The following WNK1 variants were observed in gnomAD, a reference collection of about 807,000 sequenced individuals.
WNK1 encodes serine/threonine-protein kinase WNK1.
Under a neutral mutation model 222.8 loss-of-function variants are expected in WNK1, and 38 were observed. The observed-to-expected ratio is 0.17, with a 90% CI of 0.13 to 0.22. The LOEUF is 0.22. Among genes scored for constraint, WNK1 ranks in the 10% least tolerant of loss-of-function variants. The pLI is 1.00. For missense variants in WNK1, 2,348 were observed against 2,918.4 expected, an observed-to-expected ratio of 0.80 and a Z score of 4.50; for synonymous variants, 1,090 against 1,092.9, an observed-to-expected ratio of 1.00 and a Z score of 0.05.
chr12:785,097 G>C (rs1457610533), intron 1 of WNK1, among the ~76,000 whole-genome samples: 1 of 152,102 alleles, frequency 6.6e-6, no homozygotes, highest in Non-Finnish European at 1.5e-5. Context: ...CAGTATTGCT[G>C]TTAAAGTCTG....
chr12:884,721 C>A lies in WNK1; in HGVS notation c.3917C>A (p.Ala1306Asp). ...HSASSLSLQQ[A>D]FSELRRAQMT... Reference sequence around the variant, plus strand: ...GCATCATCCCTTAGTCTACAACAGGCCTTTTCTGAACTTAGACGTGCCCAA... The same window carrying A: ...GCATCATCCCTTAGTCTACAACAGGACTTTTCTGAACTTAGACGTGCCCAA... Residue 1306 changes from alanine to aspartate, a missense_variant, in exon 19 of 28, where the codon GCC (alanine) becomes GAC (aspartate). By Grantham distance (126) the Ala-to-Asp change is moderately radical. Transcript: ENST00000315939. This position sits in a 1 kb window ranked among gnomAD's most constrained non-coding sequence, Gnocchi z 5.6. The A allele has an allele frequency of 6.2e-7, 1 of 1,614,176 alleles. No homozygotes were observed. Among genetic ancestry groups the A allele is most frequent in the Non-Finnish European group, 8.5e-7 (1 of 1,180,038 alleles).
chr12:885,928 T>C lies in WNK1; in HGVS notation c.5124T>C (p.Ser1708=), dbSNP rs755015734. ...GCAAACTCCTGACTTCTACCACAAG[T>C]ACTTGCTTACCACCAACCAATTTAC... The part of the protein sequence containing the change: ...APSKLLTSTT[S]TCLPPTNLPL... The change falls in exon 19 of 28, where the codon AGT becomes AGC. Residue 1708 remains serine, a synonymous_variant. Transcript: ENST00000315939. The C allele has an allele frequency of 2.8e-5, 45 of 1,602,172 alleles. No individual in the cohort carries two copies. The highest frequency in any genetic ancestry group is 3.7e-5 in the Non-Finnish European group (43 of 1,173,286).
At chr12:829,026 T>C (rs773534253) in intron 3 of WNK1, among the ~76,000 whole-genome samples, 2 of 152,246 alleles carry the variant, frequency 1.3e-5, no homozygotes, top group Non-Finnish European at 2.9e-5. Flanking sequence ...AAAAGTGTCA[T>C]TTAAAGCTGA....
At chr12:874,950 A>T (rs1952475262) in intron 9 of WNK1, among the ~76,000 whole-genome samples, 2 of 152,222 alleles carry the variant, frequency 1.3e-5, no homozygotes, top group African/African-American at 4.8e-5. Flanking sequence ...GGAAGACTTT[A>T]GGAAAAAGGA....
At chr12:798,112 C>T (rs747972362) in intron 1 of WNK1, among the ~76,000 whole-genome samples, 1 of 151,906 alleles carries the variant, frequency 6.6e-6, no homozygotes, top group Non-Finnish European at 1.5e-5. Context: ...ATGGATAGAG[C>T]TCCTTTTTAT....
intron 9 of WNK1, among the ~76,000 whole-genome samples, chr12:872,673 C>G (rs1333154168): frequency 1.3e-5 from 2 of 152,204 alleles, no homozygotes; most frequent in Non-Finnish European, 2.9e-5. Context: ...GTATGTAATG[C>G]AAACTTCCTA....
At chr12:785,096 T>C (rs1250072952) in intron 1 of WNK1, among the ~76,000 whole-genome samples, 1 of 152,226 alleles carries the variant, frequency 6.6e-6, no homozygotes, top group Non-Finnish European at 1.5e-5. Flanking sequence ...CCAGTATTGC[T>C]GTTAAAGTCT....
chr12:830,280 G>C, intron 4 of WNK1, 120 bp downstream of exon 4: 1 of 1,127,702 alleles, frequency 8.9e-7, no homozygotes, highest in Non-Finnish European at 1.3e-6. Flanking sequence ...GTGAACTGTT[G>C]GGGTTGGGGG....
chr12:816,424 C>T (rs1389371153), intron 2 of WNK1, among the ~76,000 whole-genome samples: 3 of 151,644 alleles, frequency 2.0e-5, no homozygotes, highest in Non-Finnish European at 4.4e-5. Flanking sequence ...TGCTCACCAC[C>T]ATACCTGTCT....
chr12:865,656 C>G (rs1397927894), intron 8 of WNK1, among the ~76,000 whole-genome samples: 1 of 152,052 alleles, frequency 6.6e-6, no homozygotes, highest in African/African-American at 2.4e-5. Flanking sequence ...ACATAAAATT[C>G]TTTCATTTTC....
chr12:911,441 T>C lies in WNK1; in HGVS notation c.*2649T>C. 1 of 398,606 alleles carries C rather than the reference T, an allele frequency of 2.5e-6. No homozygotes were observed. The highest frequency in any genetic ancestry group is 4.4e-6 in the Non-Finnish European group (1 of 226,052). The allele number at this position is 398,606 out of a possible 1,614,324, so 24.7% of individuals were successfully genotyped here. A position where few individuals can be genotyped will look rare whatever the true frequency, so the allele number is the denominator to read the frequency against. ...TGAAACCATTCAAATAAACCAAACT[T>C]GCTTTTGTTGAGCTGTGGGGTTTCA... is the stretch of plus-strand genomic sequence containing the variant. On this transcript the variant is annotated 3_prime_UTR_variant, in exon 28 of 28. Coordinates refer to ENST00000315939, the MANE Select transcript of WNK1 (RefSeq NM_018979.4).
chr12:819,906 A>G (rs1192772125), intron 2 of WNK1, among the ~76,000 whole-genome samples: 1 of 152,218 alleles, frequency 6.6e-6, no homozygotes, highest in South Asian at 2.1e-4. Flanking sequence ...TCTCAATTCT[A>G]TTTCATTGGC....
At position 885,117 on chromosome 12, in the gene WNK1, C is replaced by A. The variant is rs2154084162; in HGVS notation, c.4313C>A (p.Ser1438Tyr). Residue 1438 changes from serine to tyrosine, a missense_variant, in exon 19 of 28, where the codon TCT becomes TAT. Transcript: ENST00000315939. ...TCACTTCAAGTCCCCACATCCACAT[C>A]TGAGATCGTTGTTTCTAGTACAGCA... ...SPSLQVPTST[S>Y]EIVVSSTALY... 1.2e-6 allele frequency: 2 copies of A among 1,614,240 alleles called. No homozygotes were observed. The highest frequency in any genetic ancestry group is 2.2e-5 in the South Asian group (2 of 91,086).
intron 2 of WNK1, among the ~76,000 whole-genome samples, chr12:819,059 T>TA (rs1166828600): frequency 2.0e-5 from 3 of 152,266 alleles, no homozygotes; most frequent in Admixed American, 6.5e-5. Context: ...AGTGACATGA[T>TA]ACCTCATTAT....
intron 2 of WNK1, among the ~76,000 whole-genome samples, chr12:823,828 T>C (rs1298496974): frequency 6.6e-6 from 1 of 152,032 alleles, no homozygotes; most frequent in Admixed American, 6.6e-5. Context: ...CAACTGGGCT[T>C]TGTCTTCAAT....
At chr12:816,805 A>G (rs1947384009) in intron 2 of WNK1, among the ~76,000 whole-genome samples, 1 of 152,210 alleles carries the variant, frequency 6.6e-6, no homozygotes, top group South Asian at 2.1e-4. Context: ...AATCACACCA[A>G]TGAAGGTGAA....
intron 1 of WNK1, among the ~76,000 whole-genome samples, chr12:796,639 C>T (rs1464361451): frequency 2.0e-5 from 3 of 152,146 alleles, no homozygotes; most frequent in Non-Finnish European, 4.4e-5. Flanking sequence ...TGGCTATAGA[C>T]AGATCTATTT....
chr12:830,653 A>G (rs1948721785), intron 4 of WNK1, among the ~76,000 whole-genome samples: 1 of 152,254 alleles, frequency 6.6e-6, no homozygotes, highest in Non-Finnish European at 1.5e-5. Flanking sequence ...ATGGTAGTTC[A>G]TGTCTGCTGA....
rs554832351 is a variant in WNK1 at position 890,624 on chromosome 12, G to T, written c.5509+111G>T. 1.3e-5 allele frequency: 14 copies of T among 1,073,108 alleles called. No individual in the cohort carries two copies. In the African/African-American group the frequency reaches 2.0e-4, roughly 16 times the overall value. 66.5% of individuals were successfully genotyped at this position (1,073,108 alleles called of 1,614,324 possible). ...TTTCCACGTATTTGATAACTGAGGA[G>T]CATTGGTAGTAATATCTAAAGCTTG... On this transcript the variant is annotated intron_variant, in intron 22 of 27. Coordinates refer to ENST00000315939, the MANE Select transcript of WNK1 (RefSeq NM_018979.4).
Sources: gnomAD v4.1 joint callset for allele counts (sites outside exome capture counted in the v4.1 genomes callset) on GRCh38, gnomAD v4.1.1 for gene constraint, Gnocchi (gnomAD v3.1) non-coding constraint, MANE v1.5 for transcripts, NCBI Gene and HGNC (gene_info 2026-07-23, HGNC 2026-07-21) for gene names.